Variants in RXYLT1 observed in about 807,000 individuals in gnomAD.
The protein encoded by RXYLT1 is ribitol xylosyltransferase 1.
RXYLT1 carries 41 observed loss-of-function variants against 43.5 expected under a neutral mutation model. That is an observed-to-expected ratio of 0.94 (90% CI 0.73 to 1.22). The LOEUF (loss-of-function observed/expected upper bound fraction) is 1.22, where lower values mean the gene tolerates loss of function less well. RXYLT1 is among the 50% of genes most tolerant of loss of function. The pLI is 0.00. For missense variants in RXYLT1, 514 were observed against 532.0 expected (o/e 0.97, Z 0.33); for synonymous variants, 166 against 194.4 (o/e 0.85, Z 1.21).
chr12:63,799,302 C>CTTTTTTTTTT (rs11312130), intron 3 of RXYLT1, among the ~76,000 whole-genome samples: 49 of 71,586 alleles, frequency 6.8e-4, no homozygotes, highest in Non-Finnish European at 9.0e-4. Flanking sequence ...CTTTTCTTTT[C>CTTTTTTTTTT]TTTTTTTTTT....
chr12:63,799,559 G>C (rs538391717), intron 3 of RXYLT1, among the ~76,000 whole-genome samples: 43 of 152,002 alleles, frequency 2.8e-4, no homozygotes, highest in Non-Finnish European at 5.1e-4. Flanking sequence ...CTAAAGTGCT[G>C]GGATTACAGG....
intron 3 of RXYLT1, among the ~76,000 whole-genome samples, chr12:63,795,285 A>AAAG (rs33957381): frequency 0.044 from 6,625 of 150,122 alleles, 288 homozygotes; most frequent in East Asian, 0.19. Context: ...TGTCAAAAAA[A>AAAG]AAGAAGAAGA....
intron 3 of RXYLT1, among the ~76,000 whole-genome samples, chr12:63,794,864 C>CT (rs1897994829): frequency 6.6e-6 from 1 of 152,070 alleles, no homozygotes; most frequent in East Asian, 1.9e-4. Flanking sequence ...AAATAAATAT[C>CT]TAATTTGTCA....
chr12:63,793,945 T>C (rs2136226798), intron 3 of RXYLT1, among the ~76,000 whole-genome samples: 1 of 152,350 alleles, frequency 6.6e-6, no homozygotes, highest in African/African-American at 2.4e-5. Flanking sequence ...GCCTACTTAA[T>C]AAGAGAAATG....
intron 3 of RXYLT1, among the ~76,000 whole-genome samples, chr12:63,785,549 A>T (rs914062980): frequency 6.6e-6 from 1 of 152,002 alleles, no homozygotes; most frequent in Non-Finnish European, 1.5e-5. Context: ...ATCAGGATTT[A>T]TTTTTTATTT....
At chr12:63,795,285 A>AAGAAGAAGAAGAAGAAGAAG (rs1565903311) in intron 3 of RXYLT1, among the ~76,000 whole-genome samples, 1 of 150,056 alleles carries the variant, frequency 6.7e-6, no homozygotes, top group Non-Finnish European at 1.5e-5. Flanking sequence ...TGTCAAAAAA[A>AAGAAGAAGAAGAAGAAGAAG]AAGAAGAAGA....
rs971441689 is a variant in RXYLT1, at chr12:63,780,041, C to G, written c.81C>G (p.Val27=). The G allele has an allele frequency of 1.9e-6, 3 of 1,607,458 alleles. No individual in the cohort carries two copies. Among genetic ancestry groups the G allele is most frequent in the Non-Finnish European group, 2.5e-6 (3 of 1,177,958 alleles). ...CLFSLYAAYH[V]FFGRRRQAPA... is the part of the protein sequence containing the mutation. ...TCTCCCTCTACGCTGCCTACCACGT[C>G]TTCTTCGGGCGCCGCCGCCAGGCGC... The change falls in exon 1 of 6, where the codon GTC becomes GTG. Residue 27 remains valine, a synonymous_variant. Coordinates refer to ENST00000261234, the MANE Select transcript of RXYLT1 (RefSeq NM_014254.3).
chr12:63,802,444 C>CA, intron 4 of RXYLT1, 39 bp downstream of exon 4: 1 of 1,498,716 alleles, frequency 6.7e-7, no homozygotes. Flanking sequence ...TAGGCCCTAA[C>CA]ACCTGAATTT....
chr12:63,788,011 G>A (rs990338357), intron 3 of RXYLT1, among the ~76,000 whole-genome samples: 3 of 152,212 alleles, frequency 2.0e-5, no homozygotes, highest in Non-Finnish European at 2.9e-5. Context: ...TTGTTAGCAG[G>A]TATGAGGACA....
At chr12:63,794,033 T>C (rs1289697150) in intron 3 of RXYLT1, among the ~76,000 whole-genome samples, 1 of 152,214 alleles carries the variant, frequency 6.6e-6, no homozygotes, top group African/African-American at 2.4e-5. Context: ...AGATCCTTGC[T>C]TGGAGGGTTA....
At position 63,809,309 on chromosome 12, in the gene RXYLT1, G is replaced by C. The variant is rs1229762664; in HGVS notation, c.*217G>C. ...GGAGCTGAAAAATTTCTATCGCCTA[G>C]TGATGTCATAGCCTAGTGATGACAT... On this transcript the variant is annotated 3_prime_UTR_variant, in exon 6 of 6. Coordinates refer to ENST00000261234, the MANE Select transcript of RXYLT1 (RefSeq NM_014254.3). 2.3e-6 allele frequency: 1 copy of C among 425,598 alleles called. No individual in the cohort carries two copies. The highest frequency in any genetic ancestry group is 4.6e-5 in the East Asian group (1 of 21,518). 26.4% of individuals were successfully genotyped at this position (425,598 alleles called of 1,614,324 possible).
At chr12:63,807,130 ACT>A (rs1898313733) in intron 5 of RXYLT1, 1 of 152,124 alleles carries the variant, frequency 6.6e-6, no homozygotes, top group South Asian at 2.1e-4. Flanking sequence ...TAATAATCTG[ACT>A]CTGACAATTC....
At chr12:63,795,464 A>C (rs1396409342) in intron 3 of RXYLT1, 1 of 151,110 alleles carries the variant, frequency 6.6e-6, no homozygotes. Context: ...GTGGCAGCAC[A>C]AACCTGTAGT....
chr12:63,794,343 A>C (rs1897982237), intron 3 of RXYLT1, among the ~76,000 whole-genome samples: 2 of 152,210 alleles, frequency 1.3e-5, no homozygotes, highest in African/African-American at 2.4e-5. Context: ...GTTTCTTACT[A>C]AGTTGTCAGT....
In RXYLT1 at chr12:63,781,066, G is replaced by A. The variant is rs766821834; in HGVS notation, c.217G>A (p.Glu73Lys). 1 of 1,607,760 alleles carries A rather than the reference G, an allele frequency of 6.2e-7. No homozygotes were observed. Among genetic ancestry groups the A allele is most frequent in the East Asian group, 2.3e-5 (1 of 44,402 alleles). Reference protein sequence around the residue: ...SEEWNPWEGDEKNEQQHRFKT... With the variant: ...SEEWNPWEGDKKNEQQHRFKT... ...AGAATGGAATCCTTGGGAAGGAGAT[G>A]AAAAAAATGAGCAACAACACAGATT... Residue 73 changes from glutamate to lysine, a missense_variant, in exon 2 of 6, where the codon GAA (glutamate) becomes AAA (lysine). Transcript: ENST00000261234.
chr12:63,805,299 G>A lies in RXYLT1; in HGVS notation c.809G>A (p.Cys270Tyr). The A allele has an allele frequency of 1.2e-6, 2 of 1,613,436 alleles. No individual in the cohort carries two copies. The highest frequency in any genetic ancestry group is 1.1e-5 in the South Asian group (1 of 90,932). ...SMLHDERPYL[C>Y]NFLGTIYENS... ...CTGCATGATGAGAGGCCATATTTAT[G>A]TAATTTCTTAGGAACGATTTATGAA... is the stretch of plus-strand genomic sequence containing the variant. The change falls in exon 5 of 6, where the codon TGT becomes TAT. Residue 270 changes from cysteine (C) to tyrosine (Y), a missense_variant. Coordinates refer to ENST00000261234, the MANE Select transcript of RXYLT1 (RefSeq NM_014254.3).
intron 2 of RXYLT1, among the ~76,000 whole-genome samples, chr12:63,781,416 T>C (rs555210814): frequency 6.6e-6 from 1 of 152,218 alleles, no homozygotes; most frequent in Non-Finnish European, 1.5e-5. Flanking sequence ...TATTGATACA[T>C]TGAGTAGGCT....
In RXYLT1 at chr12:63,782,501, T is replaced by C. The variant is rs1266660959; in HGVS notation, c.325+1327T>C. ...CAGCTGGTAAAATTTTCAGAGCCCA[T>C]CAGCCTTCTTTCATTGTGACCTCTT... On this transcript the variant is annotated intron_variant, in intron 2 of 5. Transcript: ENST00000261234. 1.5e-5 allele frequency: 7 copies of C among 456,282 alleles called. No homozygotes were observed. In the Admixed American group the frequency reaches 1.6e-4, roughly 11 times the overall value. The allele number at this position is 456,282 out of a possible 1,614,324, so 28.3% of individuals were successfully genotyped here.
At chr12:63,802,695 AGCAGAGAAATG>A (rs1898190758) in intron 4 of RXYLT1, among the ~76,000 whole-genome samples, 1 of 152,164 alleles carries the variant, frequency 6.6e-6, no homozygotes, top group Admixed American at 6.6e-5. Context: ...AAATATATTT[AGCAGAGAAATG>A]GCAGATAGAT....
Sources: allele counts gnomAD v4.1 joint callset (sites outside exome capture counted in the v4.1 genomes callset), GRCh38; gene constraint gnomAD v4.1.1; transcripts MANE v1.5; gene names NCBI Gene and HGNC (gene_info 2026-07-23, HGNC 2026-07-21).